GRIA4: variants seen among roughly 807,000 people sequenced by gnomAD.
GRIA4 encodes glutamate receptor 4.
A neutral mutation model predicts 104.0 loss-of-function variants in GRIA4; 34 were observed. The observed-to-expected ratio is 0.33, with a 90% CI of 0.25 to 0.44. GRIA4 has a LOEUF of 0.44. GRIA4 is among the 20% of genes least tolerant of loss of function. The pLI is 1.00. For missense variants in GRIA4, 750 were observed against 1,096.5 expected, an observed-to-expected ratio of 0.68 and a Z score of 4.46; for synonymous variants, 386 against 381.9, an observed-to-expected ratio of 1.01 and a Z score of -0.13.
In GRIA4 at chr11:105,883,115, C is replaced by T. The variant is rs186083673; in HGVS notation, c.673-4404C>T. Among the ~76,000 whole-genome samples the T allele has an allele frequency of 2.0e-5, 3 of 151,986 alleles. No homozygotes were observed. In the East Asian group the frequency reaches 5.8e-4, roughly 29 times the overall value. ...AACAAAACAAACAAAACCCCACACA[C>T]AGGGAAAAAAAAGTAATGACAAGAA... On this transcript the variant is annotated intron_variant, in intron 5 of 16. Coordinates refer to ENST00000282499, the MANE Select transcript of GRIA4 (RefSeq NM_000829.4).
intron 4 of GRIA4, among the ~76,000 whole-genome samples, chr11:105,852,562 T>C (rs1310552965): frequency 6.6e-6 from 1 of 152,144 alleles, no homozygotes; most frequent in Non-Finnish European, 1.5e-5. Flanking sequence ...ATTTGTCACC[T>C]AGCATGCTGT....
chr11:105,801,400 G>A (rs1431709971), intron 4 of GRIA4, among the ~76,000 whole-genome samples: 1 of 151,822 alleles, frequency 6.6e-6, no homozygotes, highest in Non-Finnish European at 1.5e-5. Context: ...AAGATTAGAA[G>A]TAGAGAGAAA....
Position 105,767,699 on chromosome 11 carries a change from G to C in GRIA4, c.487+14479G>C, listed in dbSNP as rs977058101. ...TCCCATGTGAAATACAGCTCTAAAA[G>C]CTTTACACATATAAATGAATTTAAT... is the stretch of plus-strand genomic sequence containing the variant. On this transcript the variant is annotated intron_variant, in intron 4 of 16. Coordinates refer to ENST00000282499, the MANE Select transcript of GRIA4 (RefSeq NM_000829.4). 2.6e-5 allele frequency among the ~76,000 whole-genome samples: 4 copies of C among 152,140 alleles called. 1 individual carries two copies. The highest frequency in any genetic ancestry group is 4.1e-4 in the South Asian group (2 of 4,824).
At chr11:105,821,234 A>G (rs1461818083) in intron 4 of GRIA4, among the ~76,000 whole-genome samples, 1 of 152,192 alleles carries the variant, frequency 6.6e-6, no homozygotes, top group Non-Finnish European at 1.5e-5. Context: ...TAGGAAAACA[A>G]AGGAAAATCA....
chr11:105,979,398 G>A (rs573816082), intron 16 of GRIA4, among the ~76,000 whole-genome samples, 177 bp from the exon 17 acceptor site: 4 of 152,190 alleles, frequency 2.6e-5, no homozygotes, highest in Admixed American at 1.3e-4. Context: ...TTCATTCTTC[G>A]GTGTAGTTAA....
chr11:105,861,994 G>A (rs757844901), intron 4 of GRIA4, 30 bp from the exon 5 acceptor site: 12 of 1,467,810 alleles, frequency 8.2e-6, no homozygotes, highest in African/African-American at 1.4e-5. Context: ...GTAAAAGCAT[G>A]TTTTTAGTAA....
At chr11:105,968,267 G>A (rs1805873374) in intron 14 of GRIA4, among the ~76,000 whole-genome samples, 1 of 152,182 alleles carries the variant, frequency 6.6e-6, no homozygotes, top group Non-Finnish European at 1.5e-5. Flanking sequence ...GTCATTCACA[G>A]GACTGTAACC....
intron 11 of GRIA4, among the ~76,000 whole-genome samples, chr11:105,921,655 C>A (rs1362875781): frequency 6.6e-6 from 1 of 152,120 alleles, no homozygotes; most frequent in Non-Finnish European, 1.5e-5. Context: ...ACCTGTATTT[C>A]TCTTCATGTG....
chr11:105,866,551 G>GTGTGTATA (rs1299256765), intron 5 of GRIA4, among the ~76,000 whole-genome samples: 36 of 76,708 alleles, frequency 4.7e-4, no homozygotes, highest in South Asian at 1.0e-3. Context: ...GTGTGTGTGT[G>GTGTGTATA]TATATATATA....
At chr11:105,679,647 C>T (rs1407924107) in intron 3 of GRIA4, among the ~76,000 whole-genome samples, 1 of 151,960 alleles carries the variant, frequency 6.6e-6, no homozygotes, top group Non-Finnish European at 1.5e-5. Flanking sequence ...GCAAATGCAT[C>T]TTATGTTATA....
At chr11:105,795,484 G>GA (rs1262966166) in intron 4 of GRIA4, among the ~76,000 whole-genome samples, 8 of 152,134 alleles carry the variant, frequency 5.3e-5, no homozygotes, top group Non-Finnish European at 1.2e-4. Context: ...ACTAGAGTGT[G>GA]AATGTGTGAT....
intron 7 of GRIA4, among the ~76,000 whole-genome samples, chr11:105,899,088 C>T (rs1946765404): frequency 6.6e-6 from 1 of 152,144 alleles, no homozygotes; most frequent in Non-Finnish European, 1.5e-5. Flanking sequence ...TAATCTTTTA[C>T]TTACAGTGTA....
intron 3 of GRIA4, among the ~76,000 whole-genome samples, chr11:105,702,571 A>C (rs1953536027): frequency 6.6e-6 from 1 of 151,984 alleles, no homozygotes; most frequent in Non-Finnish European, 1.5e-5. Flanking sequence ...ATAAATATTA[A>C]CAAATCAAAG....
chr11:105,828,416 T>A (rs1943853960), intron 4 of GRIA4, among the ~76,000 whole-genome samples: 1 of 151,950 alleles, frequency 6.6e-6, no homozygotes, highest in Non-Finnish European at 1.5e-5. Context: ...TCACTACCCC[T>A]GTATGTGGTA....
intron 4 of GRIA4, among the ~76,000 whole-genome samples, chr11:105,814,307 C>T (rs1943292423): frequency 1.3e-5 from 2 of 152,102 alleles, no homozygotes; most frequent in South Asian, 4.1e-4. Flanking sequence ...CAAATAAATG[C>T]TAGTAATTAA....
intron 3 of GRIA4, among the ~76,000 whole-genome samples, chr11:105,669,266 T>C (rs1175094831): frequency 6.6e-6 from 1 of 151,992 alleles, no homozygotes; most frequent in East Asian, 1.9e-4. Flanking sequence ...CACCAGTCTC[T>C]CTCAACTTTA....
intron 10 of GRIA4, chr11:105,912,570 C>A: frequency 3.0e-6 from 1 of 332,480 alleles, no homozygotes; most frequent in Non-Finnish European, 4.2e-6. Flanking sequence ...AAAGGATATT[C>A]TGTAAAGTTA....
At chr11:105,966,726 T>C (rs1858388946) in intron 14 of GRIA4, among the ~76,000 whole-genome samples, 1 of 152,114 alleles carries the variant, frequency 6.6e-6, no homozygotes, top group South Asian at 2.1e-4. Context: ...AAGCAATATC[T>C]AAAGAACAAA....
chr11:105,688,158 C>CTATATCTA (rs1565464961), intron 3 of GRIA4, among the ~76,000 whole-genome samples: 9 of 82,720 alleles, frequency 1.1e-4, no homozygotes, highest in Admixed American at 2.7e-4. Context: ...ATCTATATCT[C>CTATATCTA]TATCTATCTA....
Sources: gnomAD v4.1 joint callset for allele counts (sites outside exome capture counted in the v4.1 genomes callset) on GRCh38, gnomAD v4.1.1 for gene constraint, MANE v1.5 for transcripts, NCBI Gene and HGNC (gene_info 2026-07-23, HGNC 2026-07-21) for gene names.